CNTNAP2: variants seen among roughly 807,000 people sequenced by gnomAD.
The protein encoded by CNTNAP2 is contactin-associated protein-like 2.
A neutral mutation model predicts 155.2 loss-of-function variants in CNTNAP2; 98 were observed. The ratio of observed to expected loss-of-function variants is 0.63; its 90% CI spans 0.54 to 0.75. The LOEUF (loss-of-function observed/expected upper bound fraction) is 0.75. Ranked by LOEUF, CNTNAP2 falls within the 30% of genes least tolerant of loss-of-function variation. The probability of loss-of-function intolerance (pLI) is 0.00; values close to 1 mark genes in which losing one functional copy is unlikely to be tolerated. For synonymous variants in CNTNAP2, 651 were observed against 631.2 expected, an observed-to-expected ratio of 1.03 and a Z score of -0.47; for missense variants, 1,727 against 1,688.1, an observed-to-expected ratio of 1.02 and a Z score of -0.40.
Position 147,035,107 on chromosome 7 carries a change from C to T in CNTNAP2, c.403-8800C>T, listed in dbSNP as rs545835298. On this transcript the variant is annotated intron_variant, in intron 3 of 23. Coordinates refer to ENST00000361727, the MANE Select transcript of CNTNAP2 (RefSeq NM_014141.6). ...CCTGACTGGTGCTCAGAAAAAAAGT[C>T]CTGCTGATCTCCTACTATGAGGCAC... 1.3e-4 allele frequency among the ~76,000 whole-genome samples: 20 copies of T among 152,198 alleles called. 1 individual carries two copies. The South Asian group carries it at 4.1e-3, about 32-fold the overall frequency.
At chr7:146,821,538 T>C (rs1048427179) in intron 2 of CNTNAP2, among the ~76,000 whole-genome samples, 1 of 152,072 alleles carries the variant, frequency 6.6e-6, no homozygotes, top group Non-Finnish European at 1.5e-5. Flanking sequence ...ACAGGCAACC[T>C]ACGAAATGGG....
At chr7:147,016,327 G>C (rs1430685477) in intron 3 of CNTNAP2, among the ~76,000 whole-genome samples, 3 of 151,894 alleles carry the variant, frequency 2.0e-5, no homozygotes, top group Non-Finnish European at 4.4e-5. Context: ...CCTGTATTTA[G>C]CATGACAGGA....
chr7:146,766,789 TTC>T, intron 1 of CNTNAP2, among the ~76,000 whole-genome samples: 1 of 152,178 alleles, frequency 6.6e-6, no homozygotes, highest in African/African-American at 2.4e-5. Context: ...CATCTGTATA[TTC>T]ATCAAGGTCC....
chr7:148,187,091 C>A (rs867879521), intron 18 of CNTNAP2, among the ~76,000 whole-genome samples: 3 of 148,090 alleles, frequency 2.0e-5, no homozygotes, highest in Non-Finnish European at 3.0e-5. Flanking sequence ...CCTCTCTGTG[C>A]GGTTGAGCAA....
intron 20 of CNTNAP2, among the ~76,000 whole-genome samples, chr7:148,246,619 G>A (rs532314863): frequency 8.9e-4 from 136 of 152,230 alleles, no homozygotes; most frequent in African/African-American, 3.0e-3. Context: ...AGAAAACGCT[G>A]TTTCATTACT....
intron 18 of CNTNAP2, among the ~76,000 whole-genome samples, chr7:148,185,387 A>T (rs1303053950): frequency 6.6e-6 from 1 of 152,236 alleles, no homozygotes; most frequent in Non-Finnish European, 1.5e-5. Flanking sequence ...TGAGGTTGTT[A>T]TTGAGATCGT....
At position 147,841,401 on chromosome 7, in the gene CNTNAP2, G is replaced by A. The variant is rs182957329; in HGVS notation, c.2099-62164G>A. 7.6e-4 allele frequency among the ~76,000 whole-genome samples: 116 copies of A among 152,286 alleles called. 1 individual carries two copies. The highest frequency in any genetic ancestry group is 6.3e-3 in the Admixed American group (97 of 15,288). On this transcript the variant is annotated intron_variant, in intron 13 of 23. Coordinates refer to ENST00000361727, the MANE Select transcript of CNTNAP2 (RefSeq NM_014141.6). ...AAGTCCTTTGTGTGAGAACTGACTA[G>A]ATAAAATGTCATGAGCACCTCCTGT...
chr7:147,235,346 G>GTA (rs1053410862), intron 8 of CNTNAP2, among the ~76,000 whole-genome samples: 1 of 9,324 alleles, frequency 1.1e-4, no homozygotes, highest in African/African-American at 1.5e-3. Flanking sequence ...GGAGTTTTTG[G>GTA]TGTGTGTGTG....
chr7:147,236,918 A>G (rs1393881304), intron 8 of CNTNAP2, among the ~76,000 whole-genome samples: 2 of 152,104 alleles, frequency 1.3e-5, no homozygotes, highest in Admixed American at 1.3e-4. Flanking sequence ...TGTGATTGCC[A>G]TGCCCAAAAT....
intron 21 of CNTNAP2, among the ~76,000 whole-genome samples, chr7:148,383,163 C>T (rs1319851233): frequency 6.7e-6 from 1 of 149,264 alleles, no homozygotes; most frequent in Admixed American, 6.7e-5. Context: ...GAGATGTTCA[C>T]GTACAGGCTA....
At chr7:147,948,042 G>A (rs1050716759) in intron 14 of CNTNAP2, among the ~76,000 whole-genome samples, 3 of 151,840 alleles carry the variant, frequency 2.0e-5, no homozygotes, top group Non-Finnish European at 4.4e-5. Context: ...AATCTAGAAA[G>A]AGGAGAAAAA....
chr7:147,955,091 A>T (rs1358530129), intron 14 of CNTNAP2, among the ~76,000 whole-genome samples: 1 of 152,248 alleles, frequency 6.6e-6, no homozygotes, highest in Non-Finnish European at 1.5e-5. Context: ...AGTTCACTGT[A>T]GGGAAAATAA....
chr7:146,815,449 C>T (rs973709514), intron 2 of CNTNAP2, among the ~76,000 whole-genome samples: 6 of 152,062 alleles, frequency 3.9e-5, no homozygotes, highest in East Asian at 1.9e-4. Flanking sequence ...TCTATGATTA[C>T]ATTATTCTCT....
intron 21 of CNTNAP2, among the ~76,000 whole-genome samples, chr7:148,272,435 A>G (rs546884057): frequency 6.6e-6 from 1 of 152,322 alleles, no homozygotes; most frequent in Middle Eastern, 3.4e-3. Flanking sequence ...CTGTTTGCTC[A>G]TGTCCTTTTC....
At chr7:147,968,747 CCT>C (rs368019438) in intron 14 of CNTNAP2, among the ~76,000 whole-genome samples, 2 of 152,238 alleles carry the variant, frequency 1.3e-5, no homozygotes, top group East Asian at 3.9e-4. Context: ...CAGGAACGTT[CCT>C]CTCTCTCTCC....
chr7:148,088,479 A>T (rs979599261), intron 15 of CNTNAP2, among the ~76,000 whole-genome samples: 2 of 152,000 alleles, frequency 1.3e-5, no homozygotes, highest in Non-Finnish European at 2.9e-5. Flanking sequence ...GAAATGAAAG[A>T]GGAGACATCA....
At chr7:147,845,132 C>T (rs1213801767) in intron 13 of CNTNAP2, among the ~76,000 whole-genome samples, 1 of 72,264 alleles carries the variant, frequency 1.4e-5, no homozygotes, top group Non-Finnish European at 2.7e-5. Context: ...GGAGGATTCC[C>T]TCTTTTTCTA....
At chr7:147,850,194 G>C (rs903067200) in intron 13 of CNTNAP2, among the ~76,000 whole-genome samples, 1 of 152,064 alleles carries the variant, frequency 6.6e-6, no homozygotes, top group African/African-American at 2.4e-5. Flanking sequence ...AAACAGCTAG[G>C]AATCCAACTT....
chr7:146,635,104 T>C (rs919073533), intron 1 of CNTNAP2, among the ~76,000 whole-genome samples: 2 of 151,548 alleles, frequency 1.3e-5, no homozygotes, highest in African/African-American at 2.4e-5. Context: ...GCAAAGAAAA[T>C]GTGCGTCCAG....
Sources: gnomAD v4.1 joint callset for allele counts (sites outside exome capture counted in the v4.1 genomes callset) on GRCh38, gnomAD v4.1.1 for gene constraint, MANE v1.5 for transcripts, NCBI Gene and HGNC (gene_info 2026-07-23, HGNC 2026-07-21) for gene names.